SPRED1: variants seen among roughly 807,000 people sequenced by gnomAD.
SPRED1 encodes the protein sprouty-related, EVH1 domain-containing protein 1.
SPRED1 carries 18 observed loss-of-function variants against 52.3 expected under a neutral mutation model. The observed-to-expected ratio is 0.34, with a 90% CI of 0.24 to 0.51. SPRED1 has a LOEUF of 0.51. SPRED1 is among the 20% of genes least tolerant of loss of function. SPRED1 has a pLI of 0.97. For missense variants in SPRED1, 485 were observed against 551.0 expected (o/e 0.88, Z 1.20); for synonymous variants, 155 against 179.7 (o/e 0.86, Z 1.10).
rs1894013091 is a variant in SPRED1 at position 38,253,074 on chromosome 15, C to G, written c.-112C>G. ...ATCCACCATGGTGAGGCCCCTGTGCCGCTGCCCCCGCGCCCCCCCGGCCGC... is the reference window on the plus strand; with the variant it reads ...ATCCACCATGGTGAGGCCCCTGTGCGGCTGCCCCCGCGCCCCCCCGGCCGC... On this transcript the variant is annotated 5_prime_UTR_variant, in exon 1 of 7. Coordinates refer to ENST00000299084, the MANE Select transcript of SPRED1 (RefSeq NM_152594.3). 1.1e-6 allele frequency: 1 copy of G among 884,960 alleles called. No individual in the cohort carries two copies. The highest frequency in any genetic ancestry group is 1.7e-5 in the African/African-American group (1 of 60,068). 54.8% of individuals were successfully genotyped at this position (884,960 alleles called of 1,614,324 possible).
chr15:38,306,415 T>C (rs1441364509), intron 2 of SPRED1, among the ~76,000 whole-genome samples: 2 of 151,990 alleles, frequency 1.3e-5, no homozygotes, highest in Non-Finnish European at 2.9e-5. Flanking sequence ...GATGGAAAAA[T>C]AGGAAAACTG....
intron 1 of SPRED1, among the ~76,000 whole-genome samples, chr15:38,277,124 G>A (rs769504093): frequency 1.2e-4 from 19 of 152,022 alleles, no homozygotes; most frequent in Middle Eastern, 3.2e-3. Flanking sequence ...GTCAGTATAA[G>A]GACTTTTTAA....
intron 1 of SPRED1, among the ~76,000 whole-genome samples, chr15:38,292,176 A>T (rs1894937033): frequency 6.6e-6 from 1 of 152,140 alleles, no homozygotes; most frequent in Non-Finnish European, 1.5e-5. Context: ...CTTTGCTAAA[A>T]CATAACAAGA....
chr15:38,350,046 C>T (rs1309321259), intron 6 of SPRED1, among the ~76,000 whole-genome samples: 2 of 152,148 alleles, frequency 1.3e-5, no homozygotes, highest in South Asian at 2.1e-4. Flanking sequence ...GGGTATTTTA[C>T]GTCATTGTTC....
chr15:38,282,578 T>G (rs1407509024), intron 1 of SPRED1, among the ~76,000 whole-genome samples: 2 of 152,174 alleles, frequency 1.3e-5, no homozygotes, highest in Non-Finnish European at 2.9e-5. Context: ...TTTGATTTAC[T>G]CCACCTTTGT....
At chr15:38,259,910 C>A (rs972856309) in intron 1 of SPRED1, among the ~76,000 whole-genome samples, 2 of 152,138 alleles carry the variant, frequency 1.3e-5, no homozygotes, top group Admixed American at 6.5e-5. Context: ...AAAAACAGTT[C>A]ATTAATAATG....
intron 1 of SPRED1, among the ~76,000 whole-genome samples, chr15:38,273,932 G>C (rs773320196): frequency 2.0e-5 from 3 of 152,140 alleles, no homozygotes; most frequent in Non-Finnish European, 4.4e-5. Context: ...GACAAGAAAT[G>C]ACAGACAAGC....
At chr15:38,350,928 A>G (rs1458672858) in intron 6 of SPRED1, 86 bp from the exon 7 acceptor site, 3 of 1,291,900 alleles carry the variant, frequency 2.3e-6, no homozygotes, top group African/African-American at 2.9e-5. Context: ...TATTTCAACA[A>G]ATATCTGGAC....
At chr15:38,280,881 T>C (rs892805538) in intron 1 of SPRED1, among the ~76,000 whole-genome samples, 1 of 152,236 alleles carries the variant, frequency 6.6e-6, no homozygotes, top group African/African-American at 2.4e-5. Flanking sequence ...TGGGTGAGCC[T>C]AGCTCATCAC....
At chr15:38,266,857 A>T (rs1328468732) in intron 1 of SPRED1, among the ~76,000 whole-genome samples, 2 of 151,750 alleles carry the variant, frequency 1.3e-5, no homozygotes, top group Non-Finnish European at 2.9e-5. Flanking sequence ...AAATTATTGG[A>T]TGTTGTATAT....
rs149619671 is a variant in SPRED1 at position 38,283,911 on chromosome 15, G to T, written c.33-15462G>T. 2.7e-3 allele frequency among the ~76,000 whole-genome samples: 411 copies of T among 152,076 alleles called. 2 individuals are homozygous for T. The highest frequency in any genetic ancestry group is 9.6e-3 in the African/African-American group (399 of 41,500). ...GCCTTACTAATAGTAAAAACTAATG[G>T]TAAAAATTAGGTATTTACTATTAAA... is the stretch of plus-strand genomic sequence containing the variant. On this transcript the variant is annotated intron_variant, in intron 1 of 6. Coordinates refer to ENST00000299084, the MANE Select transcript of SPRED1 (RefSeq NM_152594.3).
At chr15:38,329,944 T>G (rs1227950788) in intron 4 of SPRED1, among the ~76,000 whole-genome samples, 1 of 152,224 alleles carries the variant, frequency 6.6e-6, no homozygotes, top group African/African-American at 2.4e-5. Flanking sequence ...TACAATTTAA[T>G]CATTCACGTC....
rs568530314 is a variant in SPRED1, at chr15:38,305,840, G to T, written c.207+6293G>T. ...TTGAAATTGTTTGGATTTGGTGAAT[G>T]TTCTCAAAATGTGCATCAACAATAG... On this transcript the variant is annotated intron_variant, in intron 2 of 6. Coordinates refer to ENST00000299084, the MANE Select transcript of SPRED1 (RefSeq NM_152594.3). 2.0e-5 allele frequency among the ~76,000 whole-genome samples: 3 copies of T among 152,210 alleles called. No individual in the cohort carries two copies. The East Asian group carries it at 5.8e-4, about 29-fold the overall frequency.
At chr15:38,298,563 CA>C in intron 1 of SPRED1, 7 of 306,712 alleles carry the variant, frequency 2.3e-5, no homozygotes, top group South Asian at 5.4e-5. Flanking sequence ...AGAAGTCAGA[CA>C]AAAAGAGTAC....
At chr15:38,304,325 G>A (rs989677224) in intron 2 of SPRED1, among the ~76,000 whole-genome samples, 1 of 152,132 alleles carries the variant, frequency 6.6e-6, no homozygotes, top group African/African-American at 2.4e-5. Context: ...TCCTACAGAA[G>A]TGGTCCTCCA....
intron 1 of SPRED1, among the ~76,000 whole-genome samples, chr15:38,281,643 T>C (rs1894691816): frequency 6.8e-6 from 1 of 147,382 alleles, no homozygotes; most frequent in Non-Finnish European, 1.5e-5. Flanking sequence ...CTGCAAGTGA[T>C]CCTCCTCAGC....
intron 1 of SPRED1, among the ~76,000 whole-genome samples, chr15:38,254,311 C>G (rs758748730): frequency 6.6e-5 from 10 of 152,120 alleles, no homozygotes; most frequent in Non-Finnish European, 1.0e-4. Flanking sequence ...TCCTGTTTAA[C>G]GTAAAATAGC....
At chr15:38,288,391 G>C (rs185138720) in intron 1 of SPRED1, among the ~76,000 whole-genome samples, 1 of 152,140 alleles carries the variant, frequency 6.6e-6, no homozygotes, top group African/African-American at 2.4e-5. Flanking sequence ...CTCATGGAGC[G>C]TAAATCCTAT....
At chr15:38,287,479 T>G (rs1426740498) in intron 1 of SPRED1, among the ~76,000 whole-genome samples, 4 of 152,198 alleles carry the variant, frequency 2.6e-5, no homozygotes, top group Non-Finnish European at 5.9e-5. Flanking sequence ...CTGTATGAGC[T>G]GGTCCATATA....
Sources: allele counts gnomAD v4.1 joint callset (sites outside exome capture counted in the v4.1 genomes callset), GRCh38; gene constraint gnomAD v4.1.1; transcripts MANE v1.5; gene names NCBI Gene and HGNC (gene_info 2026-07-23, HGNC 2026-07-21).